Variants in LARS1 observed in about 807,000 individuals in gnomAD.
LARS1 encodes leucine--tRNA ligase, cytoplasmic.
In LARS1, 100 loss-of-function variants were observed where a neutral mutation model predicts 162.8. The ratio of observed to expected loss-of-function variants is 0.61; its 90% confidence interval spans 0.52 to 0.73. LARS1 has a LOEUF of 0.73. LARS1 is among the 30% of genes least tolerant of loss of function. The pLI is 0.00. For missense variants in LARS1, 1,258 were observed against 1,408.9 expected, an observed-to-expected ratio of 0.89 and a Z score of 1.71; for synonymous variants, 457 against 462.8, an observed-to-expected ratio of 0.99 and a Z score of 0.16.
chr5:146,132,817 GA>G, intron 23 of LARS1, 80 bp downstream of exon 23: 2 of 528,094 alleles, frequency 3.8e-6, no homozygotes, highest in Non-Finnish European at 2.9e-6. Flanking sequence ...AAAAAAAAAA[GA>G]AAAGAAAAGA....
At position 146,177,608 on chromosome 5, in the gene LARS1, G is replaced by T. The variant is rs780086788; in HGVS notation, c.64C>A (p.Gln22Lys). The T allele has an allele frequency of 1.2e-6, 2 of 1,604,950 alleles. No individual in the cohort carries two copies. The highest frequency in any genetic ancestry group is 4.5e-5 in the East Asian group (2 of 44,442). The change falls in exon 2 of 32, where the codon CAG becomes AAG. Residue 22 changes from glutamine to lysine, a missense_variant. By Grantham distance (53) the Gln-to-Lys change is moderately conservative. Coordinates refer to ENST00000394434, the MANE Select transcript of LARS1 (RefSeq NM_020117.11). Reference sequence around the variant, plus strand: ...AACACTCTCTCAGTATCCCATTTCTGTTGGATTTCTTTCTCAATCTTCTTC... The same window carrying T: ...AACACTCTCTCAGTATCCCATTTCTTTTGGATTTCTTTCTCAATCTTCTTC... ...FLKKIEKEIQ[Q>K]KWDTERVFEV... is the part of the protein sequence containing the mutation.
intron 23 of LARS1, chr5:146,131,640 G>A (rs1272220177): frequency 2.0e-5 from 3 of 151,878 alleles, no homozygotes; most frequent in Non-Finnish European, 4.4e-5. Context: ...ACAGGCGCAA[G>A]CCACCACACC....
intron 31 of LARS1, among the ~76,000 whole-genome samples, chr5:146,119,877 C>A (rs540347218): frequency 6.6e-6 from 1 of 152,192 alleles, no homozygotes; most frequent in South Asian, 2.1e-4. Flanking sequence ...TCCAGTTCAC[C>A]ATCTATAAAA....
intron 22 of LARS1, among the ~76,000 whole-genome samples, chr5:146,135,121 A>G (rs1752449329): frequency 1.3e-5 from 2 of 151,538 alleles, no homozygotes; most frequent in Non-Finnish European, 2.9e-5. Context: ...CTCCTGCCTC[A>G]GCCTCCCAAA....
At chr5:146,152,029 G>A (rs1753314328) in intron 13 of LARS1, 27 bp from the exon 14 acceptor site, 1 of 1,612,398 alleles carries the variant, frequency 6.2e-7, no homozygotes, top group Non-Finnish European at 8.5e-7. Context: ...TCAGGAACGT[G>A]TTCACACTGA....
At position 146,162,449 on chromosome 5, in the gene LARS1, C is replaced by CAA. The variant is rs1753818122; in HGVS notation, c.594+1859_594+1860dup. The stretch of plus-strand genomic sequence containing the variant: ...TTTTTTTTTCCTGAGCAGTAGGTCT[C>CAA]AAGAGTGGGCTTAAAACATTCACCA... On this transcript the variant is annotated intron_variant, in intron 6 of 31. Transcript: ENST00000394434. 1.3e-5 allele frequency among the ~76,000 whole-genome samples: 2 copies of CAA among 152,038 alleles called. 1 individual carries two copies. The highest frequency in any genetic ancestry group is 4.1e-4 in the South Asian group (2 of 4,826).
intron 10 of LARS1, among the ~76,000 whole-genome samples, chr5:146,156,471 A>G (rs150782702): frequency 0.061 from 9,328 of 152,224 alleles, 327 homozygotes; most frequent in Non-Finnish European, 0.069. Context: ...AGGTGGGTGG[A>G]TCACCCGAGG....
Position 146,142,911 on chromosome 5 carries a change from T to C in LARS1, c.2051A>G (p.Tyr684Cys). ...GKDLVPNHLS[Y>C]YLYNHVAMWP... is the part of the protein sequence containing the mutation. Reference sequence around the variant, plus strand: ...CATAGCCACATGATTATAAAGGTAATATGAAAGATGATTTGGAACAAGATC... The same window carrying C: ...CATAGCCACATGATTATAAAGGTAACATGAAAGATGATTTGGAACAAGATC... The change falls in exon 20 of 32, where the codon TAT becomes TGT. Residue 684 changes from tyrosine to cysteine, a missense_variant. Tyr to Cys is a radical substitution (Grantham distance 194). Coordinates refer to ENST00000394434, the MANE Select transcript of LARS1 (RefSeq NM_020117.11). 6.2e-7 allele frequency: 1 copy of C among 1,613,976 alleles called. No individual in the cohort carries two copies. Among genetic ancestry groups the C allele is most frequent in the Non-Finnish European group, 8.5e-7 (1 of 1,179,942 alleles).
chr5:146,126,392 C>A, intron 28 of LARS1, 43 bp downstream of exon 28: 1 of 1,209,368 alleles, frequency 8.3e-7, no homozygotes, highest in Non-Finnish European at 1.2e-6. Flanking sequence ...TCCCATCTAA[C>A]CATTGCTCAT....
At chr5:146,128,389 A>T (rs1000487441) in intron 27 of LARS1, among the ~76,000 whole-genome samples, 7 of 152,142 alleles carry the variant, frequency 4.6e-5, no homozygotes, top group African/African-American at 1.7e-4. Context: ...TTATTTCATC[A>T]TTTCAACTAC....
chr5:146,157,649 T>C, intron 9 of LARS1, 21 bp from the exon 10 acceptor site: 3 of 1,612,956 alleles, frequency 1.9e-6, no homozygotes, highest in South Asian at 1.1e-5. Flanking sequence ...AAAACAAATA[T>C]TGATGTAAAA....
Position 146,164,452 on chromosome 5 carries a change from G to T in LARS1, c.452C>A (p.Ala151Asp). 1 of 1,613,978 alleles carries T rather than the reference G, an allele frequency of 6.2e-7. No homozygotes were observed. Among genetic ancestry groups the T allele is most frequent in the Non-Finnish European group, 8.5e-7 (1 of 1,179,918 alleles). Residue 151 changes from alanine (A) to aspartate (D), a missense_variant, in exon 6 of 32, where the codon GCT becomes GAT. Ala to Asp is a moderately radical substitution (Grantham distance 126). Coordinates refer to ENST00000394434, the MANE Select transcript of LARS1 (RefSeq NM_020117.11). ...GCCCCACTGGTATTTAGAAGATCCA[G>T]CTTTAGCAGCAGCTTTACTCTGAAA... ...KGKKSKAAAK[A>D]GSSKYQWGIM... is the part of the protein sequence containing the mutation.
intron 4 of LARS1, among the ~76,000 whole-genome samples, chr5:146,169,870 G>A (rs1561494317): frequency 6.6e-6 from 1 of 151,892 alleles, no homozygotes; most frequent in Non-Finnish European, 1.5e-5. Flanking sequence ...TTTTATAGGA[G>A]GAAAAGTCAC....
intron 4 of LARS1, among the ~76,000 whole-genome samples, chr5:146,171,081 G>A (rs917431955): frequency 1.3e-5 from 2 of 151,922 alleles, no homozygotes; most frequent in Non-Finnish European, 2.9e-5. Flanking sequence ...AGAAGGCCGG[G>A]CATGGTGGCT....
At chr5:146,139,635 G>A (rs1335348532) in intron 21 of LARS1, 1 of 152,392 alleles carries the variant, frequency 6.6e-6, no homozygotes, top group East Asian at 1.9e-4. Context: ...CAGCACTTTG[G>A]GAGGCTGAGG....
chr5:146,115,020 G>A (rs908325358), intron 31 of LARS1, among the ~76,000 whole-genome samples: 2 of 137,122 alleles, frequency 1.5e-5, no homozygotes, highest in Admixed American at 1.6e-4. Context: ...CTCCAGCCTG[G>A]CAACAGAGCA....
intron 2 of LARS1, among the ~76,000 whole-genome samples, chr5:146,174,503 T>TATATGTATATATCC (rs1561497990): frequency 1.8e-3 from 23 of 12,502 alleles, no homozygotes; most frequent in African/African-American, 9.7e-3. Flanking sequence ...TATATATCCA[T>TATATGTATATATCC]ATATATATAT....
At chr5:146,158,132 A>T (rs1391183099) in intron 8 of LARS1, among the ~76,000 whole-genome samples, 7 of 152,198 alleles carry the variant, frequency 4.6e-5, no homozygotes, top group African/African-American at 1.4e-4. Flanking sequence ...TTCTAAACTT[A>T]GTTTGCTCCC....
rs863224045 is a variant in LARS1 at position 146,144,668 on chromosome 5, C to T, written c.1545G>A (p.Met515Ile). 1.4e-5 allele frequency: 22 copies of T among 1,613,948 alleles called. No homozygotes were observed. The highest frequency in any genetic ancestry group is 1.7e-5 in the Non-Finnish European group (20 of 1,180,022). The change falls in exon 16 of 32, where the codon ATG becomes ATA. Residue 515 changes from methionine (M) to isoleucine (I), a missense_variant. Coordinates refer to ENST00000394434, the MANE Select transcript of LARS1 (RefSeq NM_020117.11). ...CAACACATTCATCTGACGACCTGGA[C>T]ATCACTTGTTTCTCTGGTTCCATGT... Reference protein sequence around the residue: ...LIYMEPEKQVMSRSSDECVVA... With the variant: ...LIYMEPEKQVISRSSDECVVA...
Sources: allele counts gnomAD v4.1 joint callset (sites outside exome capture counted in the v4.1 genomes callset), GRCh38; gene constraint gnomAD v4.1.1; transcripts MANE v1.5; gene names NCBI Gene and HGNC (gene_info 2026-07-23, HGNC 2026-07-21).